PHEX: variants seen among roughly 807,000 people sequenced by gnomAD.
PHEX encodes phosphate regulating endopeptidase X-linked.
A neutral mutation model predicts 68.0 loss-of-function variants in PHEX; 16 were observed. The ratio of observed to expected loss-of-function variants is 0.24; its 90% CI spans 0.16 to 0.36. The LOEUF (loss-of-function observed/expected upper bound fraction) is 0.36. Ranked by LOEUF, PHEX falls within the 10% of genes least tolerant of loss-of-function variation. The probability of loss-of-function intolerance (pLI) is 1.00; values close to 1 mark genes in which losing one functional copy is unlikely to be tolerated. For synonymous variants in PHEX, 208 were observed against 205.1 expected (o/e 1.01, Z -0.12); for missense variants, 480 against 575.5 (o/e 0.83, Z 1.70).
At chrX:22,046,033 G>T (rs774562175) in intron 2 of PHEX, among the ~76,000 whole-genome samples, 5 of 112,301 alleles carry the variant, frequency 4.5e-5, no homozygotes, top group Non-Finnish European at 9.4e-5. Flanking sequence ...TATTTCTCAT[G>T]ATTTTGTGGA....
At chrX:22,040,894 T>C (rs1218242854) in intron 2 of PHEX, among the ~76,000 whole-genome samples, 2 of 109,869 alleles carry the variant, frequency 1.8e-5, no homozygotes. Flanking sequence ...GGAGTCTTTC[T>C]TGATGGAGAA....
intron 3 of PHEX, among the ~76,000 whole-genome samples, chrX:22,061,648 A>G (rs961542111): frequency 9.0e-6 from 1 of 111,381 alleles, no homozygotes; most frequent in African/African-American, 3.3e-5. Context: ...ATTTATCTGC[A>G]TTTTACAGAT....
chrX:22,070,594 G>A (rs768505915), intron 3 of PHEX, among the ~76,000 whole-genome samples: 19 of 112,235 alleles, frequency 1.7e-4, no homozygotes, highest in Non-Finnish European at 3.2e-4. Flanking sequence ...GCTGAGGTGA[G>A]AGGATGGCTT....
chrX:22,093,431 T>C (rs1397452549), intron 6 of PHEX, among the ~76,000 whole-genome samples: 2 of 112,137 alleles, frequency 1.8e-5, no homozygotes, highest in Non-Finnish European at 3.8e-5. Flanking sequence ...TTCTCCTTTT[T>C]TTCCTGAGCT....
chrX:22,044,860 A>T (rs1026220088), intron 2 of PHEX, among the ~76,000 whole-genome samples: 21 of 110,752 alleles, frequency 1.9e-4, no homozygotes, highest in African/African-American at 6.5e-4. Context: ...CTTTATTTTT[A>T]TTTATTTTTT....
chrX:22,038,832 T>C (rs1400600472), intron 2 of PHEX, among the ~76,000 whole-genome samples: 1 of 111,690 alleles, frequency 9.0e-6, no homozygotes, highest in African/African-American at 3.3e-5. Context: ...GCAGAGAACA[T>C]TGGTCTTCCT....
intron 15 of PHEX, among the ~76,000 whole-genome samples, chrX:22,200,269 C>T (rs777277494): frequency 1.8e-5 from 2 of 112,205 alleles, no homozygotes; most frequent in East Asian, 2.8e-4. Context: ...TCCTGTTTAT[C>T]GTCACACTAC....
chrX:22,179,211 A>AC (rs1325866265), intron 14 of PHEX, among the ~76,000 whole-genome samples: 1 of 101,425 alleles, frequency 9.9e-6, no homozygotes, highest in East Asian at 2.8e-4. Context: ...GCTAAGGCCC[A>AC]CTTCTCCAAT....
chrX:22,109,608 A>G (rs1294466483), intron 9 of PHEX, among the ~76,000 whole-genome samples: 6 of 111,140 alleles, frequency 5.4e-5, no homozygotes, highest in African/African-American at 1.6e-4. Context: ...ATCATGTCAT[A>G]TTGCTCTCAT....
chrX:22,201,264 C>T (rs1293470610), intron 15 of PHEX, among the ~76,000 whole-genome samples: 4 of 111,340 alleles, frequency 3.6e-5, no homozygotes, highest in Admixed American at 9.6e-5. Flanking sequence ...GCAACCTTCA[C>T]CTCCTGGGTT....
intron 3 of PHEX, among the ~76,000 whole-genome samples, chrX:22,067,319 T>C (rs1329983806): frequency 4.5e-5 from 5 of 111,276 alleles, no homozygotes; most frequent in Non-Finnish European, 9.4e-5. Flanking sequence ...ATAGTGCTAA[T>C]ATTTTTTTCC....
intron 12 of PHEX, among the ~76,000 whole-genome samples, chrX:22,154,976 A>G (rs1334405499): frequency 8.9e-6 from 1 of 112,456 alleles, no homozygotes; most frequent in Non-Finnish European, 1.9e-5. Flanking sequence ...CAGTGGCATG[A>G]TATCGGCTCA....
At chrX:22,117,602 C>G (rs1931288064) in intron 11 of PHEX, among the ~76,000 whole-genome samples, 2 of 111,460 alleles carry the variant, frequency 1.8e-5, no homozygotes, top group South Asian at 7.5e-4. Context: ...AAAATTATAG[C>G]AGGTTTTTTG....
At chrX:22,097,134 C>T (rs1269659370) in intron 8 of PHEX, 96 bp downstream of exon 8, 61 of 626,066 alleles carry the variant, frequency 9.7e-5, no homozygotes, top group Non-Finnish European at 1.4e-5. Flanking sequence ...GTAAAACCTG[C>T]TCTCAGTCTT....
At position 22,249,143 on chromosome X, in the gene PHEX, G is replaced by A. The variant is rs1474734610; in HGVS notation, c.*1190G>A. 1.4e-4 allele frequency: 15 copies of A among 108,655 alleles called. No individual in the cohort carries two copies. Among genetic ancestry groups the A allele is most frequent in the Non-Finnish European group, 5.7e-5 (3 of 52,485 alleles). 9.0% of individuals were successfully genotyped at this position (108,655 alleles called of 1,213,427 possible). On this transcript the variant is annotated 3_prime_UTR_variant, in exon 22 of 22. Transcript: ENST00000379374. ...GTCATCTAAAGAGTTGTGAGAAAGA[G>A]CAGTACTATGTGTTTTATCCTTAGA...
At chrX:22,065,444 T>G (rs961755541) in intron 3 of PHEX, among the ~76,000 whole-genome samples, 1 of 111,664 alleles carries the variant, frequency 9.0e-6, no homozygotes, top group Admixed American at 9.5e-5. Flanking sequence ...TTTTTTCTTT[T>G]GAGACAGAGT....
chrX:22,171,200 T>A (rs966137951), intron 13 of PHEX: 1 of 111,008 alleles, frequency 9.0e-6, no homozygotes, highest in Non-Finnish European at 1.9e-5. Flanking sequence ...CCTACAATCA[T>A]GGCGGAAAGT....
chrX:22,080,705 A>C (rs1477972914), intron 5 of PHEX, among the ~76,000 whole-genome samples: 1 of 107,152 alleles, frequency 9.3e-6, no homozygotes, highest in Admixed American at 1.0e-4. Flanking sequence ...TAGTTTGAAA[A>C]CTACTGGTAT....
rs182386731 is a variant in PHEX at position 22,224,960 on chromosome X, C to T, written c.1900-1483C>T. Among the ~76,000 whole-genome samples the T allele has an allele frequency of 1.7e-3, 183 of 107,413 alleles. 1 individual carries two copies. The highest frequency in any genetic ancestry group is 6.7e-3 in the African/African-American group (172 of 25,534). The allele number at this position is 107,413 out of a possible 115,157, so 93.3% of individuals were successfully genotyped here. A position where few individuals can be genotyped will look rare whatever the true frequency, so the allele number is the denominator to read the frequency against. On this transcript the variant is annotated intron_variant, in intron 18 of 21. Transcript: ENST00000379374. ...TCAAATAACATAAATTATCATACAG[C>T]GCTGTATGATTTATTATCATACAGC...
Sources: gnomAD v4.1 joint callset for allele counts (sites outside exome capture counted in the v4.1 genomes callset) on GRCh38, gnomAD v4.1.1 for gene constraint, MANE v1.5 for transcripts, NCBI Gene and HGNC (gene_info 2026-07-23, HGNC 2026-07-21) for gene names.